SLC14A2: variants seen among roughly 807,000 people sequenced by gnomAD.
The protein encoded by SLC14A2 is urea transporter 2.
In SLC14A2, 91 loss-of-function variants were observed where a neutral mutation model predicts 104.6. That is an observed-to-expected ratio of 0.87 (90% confidence interval 0.73 to 1.04). SLC14A2 has a LOEUF of 1.04. Among genes scored for constraint, SLC14A2 ranks in the 50% least tolerant of loss-of-function variants. The pLI, the probability that SLC14A2 is intolerant of heterozygous loss-of-function variation, is 0.00. For missense variants in SLC14A2, 1,189 were observed against 1,156.0 expected, an observed-to-expected ratio of 1.03 and a Z score of -0.41; for synonymous variants, 476 against 466.4, an observed-to-expected ratio of 1.02 and a Z score of -0.27.
chr18:45,391,260 A>G (rs534859174), intron 1 of SLC14A2, among the ~76,000 whole-genome samples: 1 of 152,272 alleles, frequency 6.6e-6, no homozygotes, highest in South Asian at 2.1e-4. Context: ...TGAACTCATC[A>G]TTTTTTATGG....
intron 15 of SLC14A2, among the ~76,000 whole-genome samples, chr18:45,668,955 A>G (rs370848250): frequency 6.3e-4 from 96 of 151,690 alleles, no homozygotes; most frequent in African/African-American, 2.2e-3. Context: ...CACCCTGGCC[A>G]CAAAGCCCAT....
intron 1 of SLC14A2, among the ~76,000 whole-genome samples, chr18:45,362,951 G>A (rs969216887): frequency 1.3e-5 from 2 of 151,986 alleles, no homozygotes; most frequent in African/African-American, 2.4e-5. Flanking sequence ...GAGCTCACTG[G>A]GGGGTACCAG....
rs117394938 is a variant in SLC14A2, at chr18:45,263,279, A to G, written c.-125+50088A>G. On this transcript the variant is annotated intron_variant, in intron 1 of 20. Coordinates refer to the SLC14A2 transcript ENST00000586448. ...TCTCGTGATTGGATTGTGGTTATGC[A>G]TTTTTACTAAGAAATTTACCAAGGA... 4.8e-3 allele frequency among the ~76,000 whole-genome samples: 726 copies of G among 152,256 alleles called. 5 individuals carry two copies. The highest frequency in any genetic ancestry group is 8.1e-3 in the Non-Finnish European group (551 of 68,014).
chr18:45,418,443 G>T (rs542664041), intron 1 of SLC14A2, among the ~76,000 whole-genome samples: 59 of 152,318 alleles, frequency 3.9e-4, no homozygotes, highest in African/African-American at 1.4e-3. Context: ...GTGATTGGAA[G>T]GAGAGCATTC....
chr18:45,250,293 C>T (rs1429361262), intron 1 of SLC14A2, among the ~76,000 whole-genome samples: 1 of 152,184 alleles, frequency 6.6e-6, no homozygotes, highest in Non-Finnish European at 1.5e-5. Flanking sequence ...GTACCATTTA[C>T]AAACACACAC....
intron 1 of SLC14A2, among the ~76,000 whole-genome samples, chr18:45,299,507 G>A (rs1173917680): frequency 6.6e-5 from 10 of 152,106 alleles, no homozygotes; most frequent in Admixed American, 5.9e-4. Flanking sequence ...TGTCACCCAG[G>A]CTGGAGTGCA....
chr18:45,182,110 TCA>T, the SLC14A2 span, among the ~76,000 whole-genome samples: 3 of 152,010 alleles, frequency 2.0e-5, no homozygotes, highest in Non-Finnish European at 4.4e-5. Context: ...CAAGTAAGTT[TCA>T]GAGGATTACC....
At chr18:45,648,494 C>T (rs62090614) in intron 10 of SLC14A2, among the ~76,000 whole-genome samples, 78,528 of 149,740 alleles carry the variant, frequency 0.52, 20,947 homozygotes, top group African/African-American at 0.66. Flanking sequence ...CATGAGCCAC[C>T]ACGCCCGGCC....
chr18:45,677,855 C>T (rs964266350), intron 18 of SLC14A2, among the ~76,000 whole-genome samples: 1 of 152,174 alleles, frequency 6.6e-6, no homozygotes, highest in Admixed American at 6.6e-5. Context: ...TGCTCTGTCA[C>T]CCAGGCTAGA....
intron 1 of SLC14A2, among the ~76,000 whole-genome samples, chr18:45,248,590 A>G (rs2084390175): frequency 6.6e-6 from 1 of 152,168 alleles, no homozygotes; most frequent in Non-Finnish European, 1.5e-5. Flanking sequence ...ACTTGGGGTT[A>G]CATGTTGAGG....
chr18:45,371,309 A>G (rs532379271), intron 1 of SLC14A2, among the ~76,000 whole-genome samples: 11 of 151,930 alleles, frequency 7.2e-5, no homozygotes, highest in Non-Finnish European at 8.8e-5. Context: ...TTCAAATTCC[A>G]CTTTCCCCAC....
chr18:45,412,548 A>AC (rs1453557830), intron 1 of SLC14A2, among the ~76,000 whole-genome samples: 2 of 151,868 alleles, frequency 1.3e-5, no homozygotes, highest in East Asian at 3.9e-4. Flanking sequence ...CCAGAACCTC[A>AC]CCCCCCAGAG....
intron 1 of SLC14A2, among the ~76,000 whole-genome samples, chr18:45,293,285 T>C (rs2084888381): frequency 6.6e-6 from 1 of 152,186 alleles, no homozygotes; most frequent in African/African-American, 2.4e-5. Context: ...CATTCATTCA[T>C]GTATTCATTC....
intron 2 of SLC14A2, among the ~76,000 whole-genome samples, chr18:45,550,361 G>A (rs530862073): frequency 6.6e-6 from 1 of 152,100 alleles, no homozygotes; most frequent in Non-Finnish European, 1.5e-5. Context: ...ATGCCCTTGT[G>A]CATCCTCTTC....
chr18:45,585,326 G>C (rs1315755656), intron 2 of SLC14A2, among the ~76,000 whole-genome samples: 1 of 152,094 alleles, frequency 6.6e-6, no homozygotes, highest in Non-Finnish European at 1.5e-5. Flanking sequence ...ATATCATTTA[G>C]TGATATATTT....
At chr18:45,471,846 CTTG>C (rs1006039354) in intron 1 of SLC14A2, among the ~76,000 whole-genome samples, 24 of 151,412 alleles carry the variant, frequency 1.6e-4, no homozygotes, top group African/African-American at 5.6e-4. Context: ...TTCATTGAGG[CTTG>C]TTGTTTTTTT....
At chr18:45,370,446 G>A (rs1361031480) in intron 1 of SLC14A2, among the ~76,000 whole-genome samples, 3 of 152,128 alleles carry the variant, frequency 2.0e-5, no homozygotes, top group East Asian at 3.9e-4. Flanking sequence ...GAAAAGAGCC[G>A]GAAAAGGTCA....
chr18:45,655,751 C>T (rs1321046961), intron 10 of SLC14A2, among the ~76,000 whole-genome samples: 1 of 152,130 alleles, frequency 6.6e-6, no homozygotes. Context: ...GGGGGTATTG[C>T]GATTGGGATG....
At chr18:45,367,233 A>G (rs2085674956) in intron 1 of SLC14A2, among the ~76,000 whole-genome samples, 1 of 152,194 alleles carries the variant, frequency 6.6e-6, no homozygotes, top group Non-Finnish European at 1.5e-5. Context: ...CAGAAAGGGA[A>G]AAAGACTTGA....
Sources: allele counts gnomAD v4.1 joint callset (sites outside exome capture counted in the v4.1 genomes callset), GRCh38; gene constraint gnomAD v4.1.1; transcripts MANE v1.5; gene names NCBI Gene and HGNC (gene_info 2026-07-23, HGNC 2026-07-21).